CSMD1: variants seen among roughly 807,000 people sequenced by gnomAD.
CSMD1 encodes CUB and Sushi multiple domains 1.
CSMD1 carries 213 observed loss-of-function variants against 417.5 expected under a neutral mutation model. The observed-to-expected ratio is 0.51, with a 90% CI of 0.46 to 0.57. CSMD1 has a LOEUF of 0.57. CSMD1 is among the 20% of genes least tolerant of loss of function. The pLI is 0.00. For synonymous variants in CSMD1, 2,862 were observed against 1,736.8 expected, an observed-to-expected ratio of 1.65 and a Z score of -16.11; for missense variants, 6,923 against 4,529.7, an observed-to-expected ratio of 1.53 and a Z score of -15.17.
At chr8:4,344,072 C>A (rs150801190) in intron 3 of CSMD1, among the ~76,000 whole-genome samples, 3 of 152,242 alleles carry the variant, frequency 2.0e-5, no homozygotes, top group African/African-American at 4.8e-5. Flanking sequence ...CACACACATA[C>A]TCTGGCTTAA....
chr8:4,141,810 C>G (rs1803808791), intron 3 of CSMD1, among the ~76,000 whole-genome samples: 1 of 151,048 alleles, frequency 6.6e-6, no homozygotes, highest in Non-Finnish European at 1.5e-5. Context: ...TTTACAATGA[C>G]TAACTGAACA....
chr8:3,387,636 C>T lies in CSMD1; in HGVS notation c.2640G>A (p.Val880=), dbSNP rs1468500799. 2.5e-6 allele frequency: 4 copies of T among 1,600,922 alleles called. No homozygotes were observed. The Admixed American group carries it at 6.9e-5, about 27-fold the overall frequency. ...AGTCTCCACCGTGGCGATGGCCGTT[C>T]ACAGGGATGCCCGGGTCCAGGCAGG... ...SDSCLDPGIP[V]NGHRHGGDFG... Residue 880 remains valine (V), a synonymous_variant, in exon 18 of 70, where the codon GTG becomes GTA. Coordinates refer to ENST00000635120, the MANE Select transcript of CSMD1 (RefSeq NM_033225.6).
At chr8:4,093,919 C>T (rs1239704631) in intron 3 of CSMD1, among the ~76,000 whole-genome samples, 1 of 151,834 alleles carries the variant, frequency 6.6e-6, no homozygotes, top group African/African-American at 2.4e-5. Flanking sequence ...CAGATTGCGC[C>T]ATTACGCTCC....
At chr8:3,791,916 A>C (rs991852765) in intron 5 of CSMD1, among the ~76,000 whole-genome samples, 6 of 152,138 alleles carry the variant, frequency 3.9e-5, no homozygotes, top group African/African-American at 1.4e-4. Flanking sequence ...AGTAATGGCA[A>C]AAACCTCAAT....
chr8:3,983,726 A>C (rs1239488816), intron 5 of CSMD1, among the ~76,000 whole-genome samples: 2 of 152,206 alleles, frequency 1.3e-5, no homozygotes, highest in African/African-American at 4.8e-5. Context: ...AAGTATGGTT[A>C]GATGTTCCCC....
In CSMD1 at chr8:2,963,158, C is replaced by T; in HGVS notation, c.9454+64G>A. ...CCTCAGATTGTAACCTTAGGATGTG[C>T]CCTGGTTATCCGTCCCTGTTGCAGA... On this transcript the variant is annotated intron_variant, in intron 60 of 69. Transcript: ENST00000635120. The T allele has an allele frequency of 1.9e-6, 3 of 1,555,280 alleles. No homozygotes were observed. In the East Asian group the frequency reaches 6.8e-5, roughly 35 times the overall value.
At chr8:3,718,096 A>G (rs1801945266) in intron 6 of CSMD1, among the ~76,000 whole-genome samples, 1 of 152,232 alleles carries the variant, frequency 6.6e-6, no homozygotes, top group South Asian at 2.1e-4. Context: ...TCTTATTTTT[A>G]TTAACATTTA....
At chr8:3,958,778 G>A (rs1392371303) in intron 5 of CSMD1, among the ~76,000 whole-genome samples, 3 of 152,208 alleles carry the variant, frequency 2.0e-5, no homozygotes, top group African/African-American at 4.8e-5. Context: ...CCAGTTCAAA[G>A]AGGAACGACA....
At chr8:4,981,696 G>T (rs557304914) in intron 1 of CSMD1, among the ~76,000 whole-genome samples, 1 of 152,206 alleles carries the variant, frequency 6.6e-6, no homozygotes, top group African/African-American at 2.4e-5. Flanking sequence ...CTCTTAGGGG[G>T]CCATGCGGCA....
chr8:4,484,170 G>A (rs1006895178), intron 2 of CSMD1, among the ~76,000 whole-genome samples: 1 of 151,222 alleles, frequency 6.6e-6, no homozygotes, highest in Non-Finnish European at 1.5e-5. Context: ...CCTTATCAGT[G>A]GAGTGATTGG....
intron 3 of CSMD1, among the ~76,000 whole-genome samples, chr8:4,106,069 G>A (rs975818556): frequency 6.6e-6 from 1 of 152,206 alleles, no homozygotes; most frequent in Non-Finnish European, 1.5e-5. Flanking sequence ...CCAGGCAGGA[G>A]AAAGAGCTAT....
chr8:4,488,408 T>C (rs1801526769), intron 2 of CSMD1, among the ~76,000 whole-genome samples: 1 of 152,074 alleles, frequency 6.6e-6, no homozygotes, highest in Non-Finnish European at 1.5e-5. Context: ...GGGGGCTTGA[T>C]CTCGTTGCCT....
intron 17 of CSMD1, among the ~76,000 whole-genome samples, chr8:3,392,109 G>A (rs1047852553): frequency 7.8e-6 from 1 of 128,474 alleles, no homozygotes; most frequent in Non-Finnish European, 1.6e-5. Context: ...CCTGTTGTGC[G>A]GTGGGGGGAG....
Position 4,035,582 on chromosome 8 carries a change from G to T in CSMD1, c.416-3483C>A, listed in dbSNP as rs190840588. ...CAGGCCTAGGCTAGGGTGTGTGTTT[G>T]AGTCTTAATTTTTAATGAATACAGT... On this transcript the variant is annotated intron_variant, in intron 3 of 69. Transcript: ENST00000635120. Among the ~76,000 whole-genome samples, 931 of 152,208 alleles carry T rather than the reference G, an allele frequency of 6.1e-3. 8 individuals are homozygous for T. The highest frequency in any genetic ancestry group is 0.01 in the Non-Finnish European group (710 of 68,006).
At chr8:3,317,307 A>C (rs1805839359) in intron 23 of CSMD1, among the ~76,000 whole-genome samples, 1 of 152,260 alleles carries the variant, frequency 6.6e-6, no homozygotes, top group Non-Finnish European at 1.5e-5. Flanking sequence ...TGAGGAGCAC[A>C]GAGCGAGACA....
chr8:4,618,658 C>G (rs1801611375), intron 2 of CSMD1, among the ~76,000 whole-genome samples: 1 of 152,076 alleles, frequency 6.6e-6, no homozygotes, highest in Admixed American at 6.6e-5. Flanking sequence ...AAATTATTGA[C>G]TGGATTTCAA....
At chr8:3,343,129 T>C (rs888846913) in intron 23 of CSMD1, among the ~76,000 whole-genome samples, 165 bp downstream of exon 23, 1 of 152,182 alleles carries the variant, frequency 6.6e-6, no homozygotes, top group African/African-American at 2.4e-5. Flanking sequence ...CTACTAGTAA[T>C]GTGTCCGAAT....
At chr8:3,033,068 T>C (rs555252163) in intron 50 of CSMD1, among the ~76,000 whole-genome samples, 2 of 152,078 alleles carry the variant, frequency 1.3e-5, no homozygotes, top group South Asian at 4.1e-4. Flanking sequence ...CATTCCTTGT[T>C]CTCTTCCAAC....
chr8:4,475,067 G>C (rs145635953), intron 2 of CSMD1, among the ~76,000 whole-genome samples: 5 of 152,068 alleles, frequency 3.3e-5, no homozygotes, highest in African/African-American at 1.2e-4. Context: ...TGTTATTCAA[G>C]GATTAACTGT....
Sources: gnomAD v4.1 joint callset for allele counts (sites outside exome capture counted in the v4.1 genomes callset) on GRCh38, gnomAD v4.1.1 for gene constraint, MANE v1.5 for transcripts, NCBI Gene and HGNC (gene_info 2026-07-23, HGNC 2026-07-21) for gene names.